The following SCMH1 variants were observed in gnomAD, a reference collection of about 807,000 sequenced individuals.
SCMH1 encodes Scm polycomb group protein homolog 1, also known as polycomb protein SCMH1.
Under a neutral mutation model 70.8 loss-of-function variants are expected in SCMH1, and 37 were observed. That is an observed-to-expected ratio of 0.52 (90% CI 0.40 to 0.69). The LOEUF (loss-of-function observed/expected upper bound fraction) is 0.69. Among genes scored for constraint, SCMH1 ranks in the 30% least tolerant of loss-of-function variants. The probability of loss-of-function intolerance (pLI) is 0.00; values close to 1 mark genes in which losing one functional copy is unlikely to be tolerated. For missense variants in SCMH1, 607 were observed against 827.3 expected (o/e 0.73, Z 3.27); for synonymous variants, 292 against 307.4 (o/e 0.95, Z 0.52).
At chr1:41,168,632 C>CTTT (rs543282078) in intron 2 of SCMH1, among the ~76,000 whole-genome samples, 3 of 104,712 alleles carry the variant, frequency 2.9e-5, no homozygotes, top group African/African-American at 7.6e-5. Context: ...GGAGATTTGT[C>CTTT]TTTTTTTTTT....
At chr1:41,070,381 C>T (rs1238920735) in intron 10 of SCMH1, among the ~76,000 whole-genome samples, 1 of 152,196 alleles carries the variant, frequency 6.6e-6, no homozygotes, top group Non-Finnish European at 1.5e-5. Flanking sequence ...GCTCTTGGTG[C>T]TATCCCTGCA....
At chr1:41,161,417 T>C in exon 3 of SCMH1, 10 of 1,550,484 alleles carry the variant, frequency 6.4e-6, no homozygotes, top group Non-Finnish European at 8.7e-6. Flanking sequence ...TTTTCTAACA[T>C]CACTCCAGTC....
intron 8 of SCMH1, among the ~76,000 whole-genome samples, chr1:41,106,123 C>T (rs536470696): frequency 1.3e-5 from 2 of 151,962 alleles, no homozygotes; most frequent in African/African-American, 4.8e-5. Context: ...GATCTGCCCG[C>T]CTCGGCCTCC....
At chr1:41,172,244 A>G (rs1242580733) in intron 2 of SCMH1, among the ~76,000 whole-genome samples, 1 of 152,018 alleles carries the variant, frequency 6.6e-6, no homozygotes, top group Non-Finnish European at 1.5e-5. Context: ...CAAATTCAGG[A>G]AAGCTGCAGG....
chr1:41,146,532 C>T (rs908833465), intron 5 of SCMH1, among the ~76,000 whole-genome samples: 3 of 151,198 alleles, frequency 2.0e-5, no homozygotes, highest in African/African-American at 7.3e-5. Flanking sequence ...TTTTAATATA[C>T]CTTTTATACC....
intron 8 of SCMH1, among the ~76,000 whole-genome samples, chr1:41,112,711 C>T (rs1669543737): frequency 6.6e-6 from 1 of 152,116 alleles, no homozygotes; most frequent in Admixed American, 6.5e-5. Flanking sequence ...TCATTTATTC[C>T]TCACAATAAC....
intron 6 of SCMH1, among the ~76,000 whole-genome samples, chr1:41,123,581 A>G (rs1268991882): frequency 6.6e-6 from 1 of 152,176 alleles, no homozygotes; most frequent in Non-Finnish European, 1.5e-5. Context: ...GACCCTGAAA[A>G]TTTTAAGAGC....
At chr1:41,208,301 A>C (rs1656075736) in intron 1 of SCMH1, among the ~76,000 whole-genome samples, 1 of 118,158 alleles carries the variant, frequency 8.5e-6, no homozygotes, top group Non-Finnish European at 1.8e-5. Flanking sequence ...GGGGAGGGAT[A>C]GCATTGGGAG....
chr1:41,219,824 G>A (rs72665636), intron 1 of SCMH1, among the ~76,000 whole-genome samples: 16,160 of 151,862 alleles, frequency 0.11, 984 homozygotes, highest in South Asian at 0.18. Context: ...CCAGCTACTC[G>A]GGAGACTGAG....
intron 2 of SCMH1, among the ~76,000 whole-genome samples, chr1:41,179,388 G>A (rs1408226516): frequency 2.6e-5 from 4 of 152,154 alleles, no homozygotes. Flanking sequence ...GAAGGAAATA[G>A]AGACACAAAA....
At chr1:41,054,971 C>T (rs998297879) in intron 10 of SCMH1, among the ~76,000 whole-genome samples, 8 of 152,064 alleles carry the variant, frequency 5.3e-5, no homozygotes, top group African/African-American at 1.7e-4. Flanking sequence ...GTTGTAGAGA[C>T]GGGTTCTCAC....
At chr1:41,100,877 T>C (rs1004710893) in intron 8 of SCMH1, among the ~76,000 whole-genome samples, 1 of 152,142 alleles carries the variant, frequency 6.6e-6, no homozygotes, top group Non-Finnish European at 1.5e-5. Flanking sequence ...ATAGTCCTTT[T>C]TAAAGGGAAA....
intron 6 of SCMH1, among the ~76,000 whole-genome samples, chr1:41,130,009 T>C (rs1674235802): frequency 6.6e-6 from 1 of 152,192 alleles, no homozygotes; most frequent in African/African-American, 2.4e-5. Flanking sequence ...TCTGTTTTTT[T>C]CCTAATACCC....
chr1:41,056,550 C>T (rs1251225474), intron 10 of SCMH1, among the ~76,000 whole-genome samples: 1 of 151,998 alleles, frequency 6.6e-6, no homozygotes, highest in African/African-American at 2.4e-5. Context: ...GAAGTTGCCA[C>T]TCCATCCTAA....
exon 10 of SCMH1, chr1:41,070,696 G>A: frequency 6.2e-7 from 1 of 1,614,090 alleles, no homozygotes; most frequent in Non-Finnish European, 8.5e-7. Flanking sequence ...GGCAGGTGGT[G>A]GGTTCAGCAA....
chr1:41,154,195 G>C (rs1029768632), intron 4 of SCMH1, among the ~76,000 whole-genome samples: 5 of 152,182 alleles, frequency 3.3e-5, no homozygotes, highest in Admixed American at 3.3e-4. Flanking sequence ...TTTAAACAAA[G>C]TTCTGGGCCT....
At chr1:41,218,899 T>C (rs766319062) in intron 1 of SCMH1, among the ~76,000 whole-genome samples, 43 of 152,212 alleles carry the variant, frequency 2.8e-4, no homozygotes, top group Non-Finnish European at 4.9e-4. Context: ...CCTGGAATTT[T>C]CCAAGTGATA....
chr1:41,082,625 C>G (rs1355286598), intron 8 of SCMH1, among the ~76,000 whole-genome samples: 1 of 151,942 alleles, frequency 6.6e-6, no homozygotes, highest in Non-Finnish European at 1.5e-5. Flanking sequence ...CAAAAACATG[C>G]CAAACAGCAT....
At chr1:41,094,446 G>C (rs921611390) in intron 8 of SCMH1, among the ~76,000 whole-genome samples, 1 of 152,140 alleles carries the variant, frequency 6.6e-6, no homozygotes, top group African/African-American at 2.4e-5. Flanking sequence ...CTGTGAAAGG[G>C]TCTTGGGGAT....
Sources: gnomAD v4.1 joint callset for allele counts (sites outside exome capture counted in the v4.1 genomes callset) on GRCh38, gnomAD v4.1.1 for gene constraint, MANE v1.5 for transcripts, NCBI Gene and HGNC (gene_info 2026-07-23, HGNC 2026-07-21) for gene names.